Variants in SEMA4C observed in about 807,000 individuals in gnomAD.
SEMA4C encodes semaphorin-4C.
Under a neutral mutation model 89.0 loss-of-function variants are expected in SEMA4C, and 19 were observed. The ratio of observed to expected loss-of-function variants is 0.21; its 90% CI spans 0.15 to 0.31. The LOEUF (loss-of-function observed/expected upper bound fraction) is 0.31, where lower values mean the gene tolerates loss of function less well. SEMA4C is among the 10% of genes least tolerant of loss of function. The pLI is 1.00. For synonymous variants in SEMA4C, 428 were observed against 472.7 expected, an observed-to-expected ratio of 0.91 and a Z score of 1.23; for missense variants, 811 against 1,107.0, an observed-to-expected ratio of 0.73 and a Z score of 3.79.
intron 1 of SEMA4C, 105 bp downstream of exon 1, chr2:96,869,771 G>C: frequency 1.0e-6 from 1 of 981,608 alleles, no homozygotes; most frequent in Non-Finnish European, 1.2e-6. Context: ...CCGCGCCCCA[G>C]CCCCTGTCCC....
At chr2:96,867,990 G>C (rs1383198936) in intron 1 of SEMA4C, 67 bp from the exon 2 acceptor site, 2 of 1,576,338 alleles carry the variant, frequency 1.3e-6, no homozygotes, top group Non-Finnish European at 1.7e-6. Flanking sequence ...GCCCGCAGCA[G>C]GAGAGGCCAC....
chr2:96,866,332 C>T lies in SEMA4C; in HGVS notation c.209G>A (p.Arg70Gln), dbSNP rs539849379. 17 of 1,613,476 alleles carry T rather than the reference C, an allele frequency of 1.1e-5. No individual in the cohort carries two copies. Among genetic ancestry groups the T allele is most frequent in the South Asian group, 5.5e-5 (5 of 91,084 alleles). ...EPTGLLYVGA[R>Q]EALFAFSMEA... is the part of the protein sequence containing the mutation. ...CATGCTGAAGGCAAACAGGGCCTCT[C>T]GGGCGCCCACGTACAGAAGCCCAGT... Residue 70 changes from arginine to glutamine, a missense_variant, in exon 3 of 15, where the codon CGA becomes CAA. Arg to Gln is a conservative substitution (Grantham distance 43). This residue lies in a region of SEMA4C where 119 missense variants were observed against 152.7 expected (regional missense o/e 0.78). Coordinates refer to ENST00000305476, the MANE Select transcript of SEMA4C (RefSeq NM_017789.5).
Position 96,865,193 on chromosome 2 carries a change from C to T in SEMA4C, c.634+11G>A, listed in dbSNP as rs1325085762. The T allele has an allele frequency of 1.6e-5, 25 of 1,612,716 alleles. No individual in the cohort carries two copies. Among genetic ancestry groups the T allele is most frequent in the African/African-American group, 2.7e-5 (2 of 74,926 alleles). On this transcript the variant is annotated intron_variant, in intron 7 of 14. Transcript: ENST00000305476. Reference sequence around the variant, plus strand: ...CCACCCATGGCTCCCACAGGCCCCCCGGTGGCTCACCGTTGAGCCAAAAGG... The same window carrying T: ...CCACCCATGGCTCCCACAGGCCCCCTGGTGGCTCACCGTTGAGCCAAAAGG...
chr2:96,863,635 G>A, intron 12 of SEMA4C, 47 bp downstream of exon 12: 1 of 1,542,588 alleles, frequency 6.5e-7, no homozygotes, highest in Non-Finnish European at 9.0e-7. Context: ...GAGAGAGTGA[G>A]ATGGGATAGT....
At chr2:96,869,102 G>C in intron 1 of SEMA4C, 1 of 985,358 alleles carries the variant, frequency 1.0e-6, no homozygotes, top group South Asian at 4.7e-5. Context: ...GCCCCCTGTC[G>C]GCCCAGAGCC....
At position 96,861,184 on chromosome 2, in the gene SEMA4C, G is replaced by A; in HGVS notation, c.1944C>T (p.Gly648=). The change falls in exon 15 of 15, where the codon GGC becomes GGT. Residue 648 remains glycine, a synonymous_variant. Transcript: ENST00000305476. The surrounding 1 kb of genome is among the most constrained non-coding windows in gnomAD (Gnocchi z 7.8). ...AEGYLVAVVA[G]PSVTLEARAP... ...CCCGGGCCTCCAAGGTCACCGACGG[G>A]CCTGCCACGACAGCCACAAGGTAGC... is the stretch of plus-strand genomic sequence containing the variant. The A allele has an allele frequency of 6.2e-7, 1 of 1,609,346 alleles. No homozygotes were observed. Among genetic ancestry groups the A allele is most frequent in the Non-Finnish European group, 8.5e-7 (1 of 1,179,656 alleles).
chr2:96,868,779 C>T, intron 1 of SEMA4C: 7 of 985,296 alleles, frequency 7.1e-6, no homozygotes, highest in Non-Finnish European at 8.4e-6. Context: ...GGGGTTCCTC[C>T]CGGGCCGCTG....
At position 96,864,643 on chromosome 2, in the gene SEMA4C, T is replaced by A; in HGVS notation, c.962+62A>T. ...GAGGCCTGGTCCAGGCTCCCACCCA[T>A]GCACCGTCCCTGACCTGAACCCCAG... On this transcript the variant is annotated intron_variant, in intron 9 of 14. Coordinates refer to ENST00000305476, the MANE Select transcript of SEMA4C (RefSeq NM_017789.5). The surrounding 1 kb of genome is among the most constrained non-coding windows in gnomAD (Gnocchi z 6.3). 1 of 1,543,236 alleles carries A rather than the reference T, an allele frequency of 6.5e-7. No homozygotes were observed. The highest frequency in any genetic ancestry group is 8.8e-7 in the Non-Finnish European group (1 of 1,140,358).
chr2:96,860,908 A>G lies in SEMA4C; in HGVS notation c.2220T>C (p.Asp740=), dbSNP rs1559029843. 2.5e-6 allele frequency: 4 copies of G among 1,613,164 alleles called. No individual in the cohort carries two copies. Among genetic ancestry groups the G allele is most frequent in the Non-Finnish European group, 3.4e-6 (4 of 1,180,026 alleles). ...GCCCAGGTACTATCTTAAGGGAGCC[A>G]TCTGAATAGTAGTAACCGACAGGAT... ...LWDPVGYYYS[D]GSLKIVPGHA... is the part of the protein sequence containing the mutation. The change falls in exon 15 of 15, where the codon GAT becomes GAC. Residue 740 remains aspartate (D), a synonymous_variant. Transcript: ENST00000305476.
At position 96,865,920 on chromosome 2, in the gene SEMA4C, C is replaced by T; in HGVS notation, c.268G>A (p.Glu90Lys). ...ALELQGAISW[E>K]APVEKKTECI... ...TCAGTCTTCTTCTCCACGGGGGCCT[C>T]CCAGGAGATCTGGGGAAAGGGAAGG... is the stretch of plus-strand genomic sequence containing the variant. Residue 90 changes from glutamate to lysine, a missense_variant, in exon 4 of 15, where the codon GAG becomes AAG. By Grantham distance (56) the Glu-to-Lys change is moderately conservative. This residue lies in a region of SEMA4C where 119 missense variants were observed against 152.7 expected (regional missense o/e 0.78). Transcript: ENST00000305476. 2 of 1,614,020 alleles carry T rather than the reference C, an allele frequency of 1.2e-6. No individual in the cohort carries two copies. The highest frequency in any genetic ancestry group is 1.7e-6 in the Non-Finnish European group (2 of 1,180,002).
intron 1 of SEMA4C, chr2:96,869,092 GC>G: frequency 2.0e-6 from 2 of 985,296 alleles, no homozygotes; most frequent in Non-Finnish European, 2.4e-6. Context: ...GCCTGCGGAC[GC>G]CCCCTGTCGG....
At chr2:96,868,823 C>T (rs2080142567) in intron 1 of SEMA4C, 7 of 985,236 alleles carry the variant, frequency 7.1e-6, no homozygotes, top group Non-Finnish European at 8.4e-6. Context: ...ACCCGCTGCG[C>T]TCCCGCGACT....
At chr2:96,869,660 G>A (rs1382382044) in intron 1 of SEMA4C, 1 of 985,072 alleles carries the variant, frequency 1.0e-6, no homozygotes, top group African/African-American at 1.7e-5. Flanking sequence ...GGGGCTGCGG[G>A]GCTGCAGGTG....
intron 3 of SEMA4C, 29 bp downstream of exon 3, chr2:96,866,254 C>G (rs369480521): frequency 6.9e-6 from 11 of 1,586,890 alleles, no homozygotes; most frequent in Non-Finnish European, 9.5e-6. Flanking sequence ...CTGGCAGGCC[C>G]GACTGCCTCC....
At position 96,867,765 on chromosome 2, in the gene SEMA4C, T is replaced by C. The variant is rs1243317820; in HGVS notation, c.109+13A>G. On this transcript the variant is annotated intron_variant, in intron 2 of 14. Transcript: ENST00000305476. The stretch of plus-strand genomic sequence containing the variant: ...CTGTCCCTGACTTCCTCCTCACCCC[T>C]CCAGGCACTCACCCCCAGAAGACAC... 1.2e-6 allele frequency: 2 copies of C among 1,612,426 alleles called. No individual in the cohort carries two copies. Among genetic ancestry groups the C allele is most frequent in the South Asian group, 2.2e-5 (2 of 91,044 alleles).
chr2:96,862,188 A>G, intron 12 of SEMA4C: 1 of 414,378 alleles, frequency 2.4e-6, no homozygotes, highest in Admixed American at 3.7e-5. Context: ...AATCACACAC[A>G]CTCACACACA....
At position 96,860,971 on chromosome 2, in the gene SEMA4C, G is replaced by C; in HGVS notation, c.2157C>G (p.Pro719=). Residue 719 remains proline, a synonymous_variant, in exon 15 of 15, where the codon CCC becomes CCG. Coordinates refer to ENST00000305476, the MANE Select transcript of SEMA4C (RefSeq NM_017789.5). Reference sequence around the variant, plus strand: ...CATCTGGTTCAGGACAGGGCCGGAAGGGGGGACTGGTGGGCTCCTTGGGCA... The same window carrying C: ...CATCTGGTTCAGGACAGGGCCGGAACGGGGGACTGGTGGGCTCCTTGGGCA... ...LELPKEPTSP[P]FRPCPEPDEK... The C allele has an allele frequency of 6.2e-7, 1 of 1,613,010 alleles. No individual in the cohort carries two copies. Among genetic ancestry groups the C allele is most frequent in the Non-Finnish European group, 8.5e-7 (1 of 1,180,018 alleles).
At chr2:96,866,870 C>T (rs2080085083) in intron 2 of SEMA4C, 1 of 340,000 alleles carries the variant, frequency 2.9e-6, no homozygotes, top group Non-Finnish European at 5.8e-6. Flanking sequence ...GTACTCCCTG[C>T]CTCAGGAAAC....
chr2:96,861,045 C>G lies in SEMA4C; in HGVS notation c.2083G>C (p.Glu695Gln). The change falls in exon 15 of 15, where the codon GAG becomes CAG. Residue 695 changes from glutamate (E) to glutamine (Q), a missense_variant. Physicochemically the swap from Glu to Gln is conservative, Grantham distance 29. Coordinates refer to ENST00000305476, the MANE Select transcript of SEMA4C (RefSeq NM_017789.5). The surrounding 1 kb of genome is among the most constrained non-coding windows in gnomAD (Gnocchi z 7.8). Reference sequence around the variant, plus strand: ...CTCTCAGTAGCCTTGGCCCCTTTCTCCAGCTCTTCCCGCAGCCGCCGGCGC... The same window carrying G: ...CTCTCAGTAGCCTTGGCCCCTTTCTGCAGCTCTTCCCGCAGCCGCCGGCGC... ...SLRRRLREEL[E>Q]KGAKATERTL... The G allele has an allele frequency of 6.2e-7, 1 of 1,612,898 alleles. No individual in the cohort carries two copies. Among genetic ancestry groups the G allele is most frequent in the Non-Finnish European group, 8.5e-7 (1 of 1,179,992 alleles).
Sources: allele counts gnomAD v4.1 joint callset, GRCh38; gene constraint gnomAD v4.1.1; regional missense constraint gnomAD v4.1.1; non-coding constraint Gnocchi (gnomAD v3.1); transcripts MANE v1.5; gene names NCBI Gene and HGNC (gene_info 2026-07-23, HGNC 2026-07-21).